Variants in POLGARF observed in about 807,000 individuals in gnomAD.
POLGARF encodes the protein POLG alternative reading frame.
the POLGARF span, chr15:89,333,694 C>A: frequency 1.3e-6 from 2 of 1,541,986 alleles, no homozygotes; most frequent in Non-Finnish European, 1.7e-6. Context: ...CGCCCCGGAG[C>A]TGGAACCGGC....
At chr15:89,333,725 G>A in the POLGARF span, 20 of 1,535,874 alleles carry the variant, frequency 1.3e-5, no homozygotes, top group East Asian at 2.9e-4. Flanking sequence ...CGGTGGCGCC[G>A]GCCACCTTCC....
chr15:89,332,676 G>A, the POLGARF span, among the ~76,000 whole-genome samples: 2 of 151,992 alleles, frequency 1.3e-5, no homozygotes, highest in African/African-American at 4.8e-5. Context: ...TATACTGCCT[G>A]GGACAGTCCC....
chr15:89,332,935 A>G, the POLGARF span, among the ~76,000 whole-genome samples: 33 of 152,300 alleles, frequency 2.2e-4, no homozygotes, highest in South Asian at 6.6e-3. Context: ...CCCACCAGAA[A>G]GTGAGTCCCA....
the POLGARF span, chr15:89,333,297 G>A: frequency 6.4e-7 from 1 of 1,554,052 alleles, no homozygotes; most frequent in South Asian, 1.2e-5. Flanking sequence ...CAAGTTGGCC[G>A]CCTCCAGGTA....
the POLGARF span, chr15:89,333,169 C>T: frequency 6.4e-7 from 1 of 1,560,378 alleles, no homozygotes. Context: ...ACGTCGAACA[C>T]CAGGGCCCGC....
At chr15:89,331,636 T>C in the POLGARF span, among the ~76,000 whole-genome samples, 9 of 152,204 alleles carry the variant, frequency 5.9e-5, no homozygotes, top group Non-Finnish European at 1.2e-4. Context: ...AGCTGCCCTG[T>C]GGGAGGCTCA....
chr15:89,333,768 AC>A, the POLGARF span: 1 of 1,534,658 alleles, frequency 6.5e-7, no homozygotes, highest in Non-Finnish European at 8.7e-7. Context: ...TGGTGCAGGG[AC>A]CCCCACGCTG....
the POLGARF span, among the ~76,000 whole-genome samples, chr15:89,331,863 A>C: frequency 6.6e-6 from 1 of 151,700 alleles, no homozygotes; most frequent in East Asian, 1.9e-4. Context: ...TCAACTAAGC[A>C]ATGCCCCGAG....
At chr15:89,332,819 T>A in the POLGARF span, among the ~76,000 whole-genome samples, 1 of 152,178 alleles carries the variant, frequency 6.6e-6, no homozygotes, top group Non-Finnish European at 1.5e-5. Context: ...CACCGTGATC[T>A]TAAGTGGCCT....
chr15:89,332,452 A>C, the POLGARF span: 2 of 152,196 alleles, frequency 1.3e-5, no homozygotes, highest in Non-Finnish European at 1.5e-5. Context: ...AGCACTTAGA[A>C]AGTTATTTAA....
the POLGARF span, among the ~76,000 whole-genome samples, chr15:89,331,382 C>T: frequency 0.016 from 2,463 of 152,044 alleles, 34 homozygotes; most frequent in Non-Finnish European, 0.028. Context: ...TCTTTGAGGC[C>T]ATGGTGGTAA....
At chr15:89,333,627 TGCC>T in the POLGARF span, 12 of 1,581,512 alleles carry the variant, frequency 7.6e-6, no homozygotes, top group Admixed American at 1.8e-5. Flanking sequence ...CTGCTGCTGC[TGCC>T]GCCGCCGCTG....
chr15:89,331,448 C>G, the POLGARF span, among the ~76,000 whole-genome samples: 4,350 of 152,280 alleles, frequency 0.029, 171 homozygotes, highest in African/African-American at 0.092. Flanking sequence ...AGCTCTGCAG[C>G]TGTGCATGAA....
the POLGARF span, among the ~76,000 whole-genome samples, chr15:89,332,936 G>C: frequency 2.0e-5 from 3 of 152,186 alleles, no homozygotes; most frequent in African/African-American, 4.8e-5. Context: ...CCACCAGAAA[G>C]TGAGTCCCAC....
At chr15:89,331,553 A>C in the POLGARF span, among the ~76,000 whole-genome samples, 12 of 152,368 alleles carry the variant, frequency 7.9e-5, no homozygotes, top group South Asian at 2.3e-3. Context: ...TGAATCTTAG[A>C]AAAATGCTGA....
At chr15:89,332,833 G>A in the POLGARF span, among the ~76,000 whole-genome samples, 1 of 152,168 alleles carries the variant, frequency 6.6e-6, no homozygotes, top group African/African-American at 2.4e-5. Flanking sequence ...GTGGCCTCCC[G>A]AAGGTCTCAT....
At chr15:89,332,613 C>CG in the POLGARF span, among the ~76,000 whole-genome samples, 606 of 60,450 alleles carry the variant, frequency 0.01, 14 homozygotes, top group Non-Finnish European at 0.013. Context: ...GGCAGGGGGG[C>CG]GGGGGGGTGT....
the POLGARF span, chr15:89,333,510 C>T: frequency 1.2e-6 from 2 of 1,612,750 alleles, no homozygotes; most frequent in Non-Finnish European, 1.7e-6. Flanking sequence ...CTCGTGCAGC[C>T]CTCTCGAGAG....
the POLGARF span, chr15:89,333,185 G>T: frequency 1.3e-6 from 2 of 1,569,098 alleles, no homozygotes; most frequent in South Asian, 1.2e-5. Flanking sequence ...CCCGCTCCTC[G>T]GGGATGGCCA....
Sources: allele counts gnomAD v4.1 joint callset (sites outside exome capture counted in the v4.1 genomes callset), GRCh38; gene constraint gnomAD v4.1.1; transcripts MANE v1.5; gene names NCBI Gene and HGNC (gene_info 2026-07-23, HGNC 2026-07-21).